PGCKA1: variants seen among roughly 807,000 people sequenced by gnomAD.
The protein encoded by PGCKA1 is PDCD10 and GCKIII kinases associated 1, also known as PDCD10 and GCKIII kinases-associated protein 1.
the PGCKA1 span, among the ~76,000 whole-genome samples, chr4:37,477,648 G>A: frequency 0.013 from 1,948 of 152,226 alleles, 63 homozygotes; most frequent in East Asian, 0.11. Context: ...TTAGACAAGA[G>A]ATCAATAGAC....
chr4:37,535,754 A>G, the PGCKA1 span, among the ~76,000 whole-genome samples: 1 of 152,300 alleles, frequency 6.6e-6, no homozygotes, highest in Middle Eastern at 3.4e-3. Context: ...GGATGAGGAA[A>G]TTGACATCCT....
At chr4:37,546,231 T>C in the PGCKA1 span, among the ~76,000 whole-genome samples, 1 of 152,310 alleles carries the variant, frequency 6.6e-6, no homozygotes, top group African/African-American at 2.4e-5. Context: ...TATATTGTTT[T>C]ATACTCAGTA....
chr4:37,538,587 C>G, the PGCKA1 span, among the ~76,000 whole-genome samples: 3 of 152,142 alleles, frequency 2.0e-5, no homozygotes, highest in African/African-American at 7.2e-5. Flanking sequence ...TAGGTGGGGT[C>G]TTTAGCTGTT....
the PGCKA1 span, among the ~76,000 whole-genome samples, chr4:37,493,517 C>T: frequency 6.6e-6 from 1 of 152,094 alleles, no homozygotes; most frequent in Non-Finnish European, 1.5e-5. Context: ...CCCTGCCACT[C>T]CACTGAGAAG....
chr4:37,567,619 G>A, the PGCKA1 span, among the ~76,000 whole-genome samples: 38 of 152,168 alleles, frequency 2.5e-4, no homozygotes, highest in South Asian at 3.3e-3. Flanking sequence ...CTGAATGTTC[G>A]TCTAAATGCC....
chr4:37,493,706 C>G, the PGCKA1 span, among the ~76,000 whole-genome samples: 943 of 152,242 alleles, frequency 6.2e-3, 11 homozygotes, highest in African/African-American at 0.021. Flanking sequence ...ATTCTCACCC[C>G]CACCTCCCCA....
At chr4:37,536,371 A>G in the PGCKA1 span, among the ~76,000 whole-genome samples, 1 of 109,910 alleles carries the variant, frequency 9.1e-6, no homozygotes, top group Non-Finnish European at 2.4e-5. Flanking sequence ...GCTTAAAACA[A>G]CAAACTTTTT....
At chr4:37,487,850 T>C in the PGCKA1 span, among the ~76,000 whole-genome samples, 2 of 152,188 alleles carry the variant, frequency 1.3e-5, no homozygotes, top group African/African-American at 2.4e-5. Context: ...TGCATGTTTC[T>C]TTTTCTTTTT....
the PGCKA1 span, among the ~76,000 whole-genome samples, chr4:37,525,616 C>T: frequency 2.0e-5 from 3 of 152,176 alleles, no homozygotes; most frequent in Admixed American, 6.5e-5. Flanking sequence ...AAATATATTG[C>T]AGTCAGCTTA....
At chr4:37,571,363 T>C in the PGCKA1 span, among the ~76,000 whole-genome samples, 31 of 120,550 alleles carry the variant, frequency 2.6e-4, no homozygotes, top group African/African-American at 9.6e-4. Context: ...TCCTTTTTTT[T>C]TTTTTTTTTT....
the PGCKA1 span, among the ~76,000 whole-genome samples, chr4:37,568,438 C>T: frequency 6.6e-6 from 1 of 152,224 alleles, no homozygotes; most frequent in African/African-American, 2.4e-5. Flanking sequence ...TCACTTTCTC[C>T]ATCAGGAGTC....
the PGCKA1 span, among the ~76,000 whole-genome samples, chr4:37,513,150 A>T: frequency 1.3e-5 from 2 of 152,086 alleles, no homozygotes; most frequent in African/African-American, 4.8e-5. Flanking sequence ...TACAACAAAG[A>T]TCACAGAGAC....
chr4:37,491,482 T>C, the PGCKA1 span, among the ~76,000 whole-genome samples: 1 of 152,250 alleles, frequency 6.6e-6, no homozygotes, highest in African/African-American at 2.4e-5. Context: ...TGGTTTTATC[T>C]GTTTTTCTTG....
At chr4:37,548,195 T>G in the PGCKA1 span, among the ~76,000 whole-genome samples, 1 of 152,072 alleles carries the variant, frequency 6.6e-6, no homozygotes, top group Non-Finnish European at 1.5e-5. Context: ...AAAAAAGTTA[T>G]GCAAAAAATG....
the PGCKA1 span, among the ~76,000 whole-genome samples, chr4:37,539,221 GA>G: frequency 4.5e-3 from 679 of 152,336 alleles, 3 homozygotes; most frequent in Non-Finnish European, 6.9e-3. Flanking sequence ...CTGTTAAAAG[GA>G]GGATGTTACG....
chr4:37,489,681 G>C, the PGCKA1 span, among the ~76,000 whole-genome samples: 2 of 152,142 alleles, frequency 1.3e-5, no homozygotes, highest in African/African-American at 4.8e-5. Flanking sequence ...AATGCAAAAA[G>C]TATTTATTGA....
the PGCKA1 span, among the ~76,000 whole-genome samples, chr4:37,535,128 CAG>C: frequency 2.6e-5 from 4 of 152,122 alleles, no homozygotes; most frequent in Non-Finnish European, 1.5e-5. Flanking sequence ...AGTGGGAAGT[CAG>C]AGTCAGCCAG....
At chr4:37,524,905 G>A in the PGCKA1 span, among the ~76,000 whole-genome samples, 2 of 152,270 alleles carry the variant, frequency 1.3e-5, no homozygotes, top group East Asian at 3.9e-4. Context: ...GAGGACCCTG[G>A]GTACTAGAAA....
the PGCKA1 span, among the ~76,000 whole-genome samples, chr4:37,477,535 G>T: frequency 1.3e-5 from 2 of 152,140 alleles, no homozygotes; most frequent in African/African-American, 4.8e-5. Context: ...TTAAATGGGT[G>T]AATTATAAGG....
Sources: allele counts gnomAD v4.1 joint callset (sites outside exome capture counted in the v4.1 genomes callset), GRCh38; gene constraint gnomAD v4.1.1; transcripts MANE v1.5; gene names NCBI Gene and HGNC (gene_info 2026-07-23, HGNC 2026-07-21).